ATL1: variants seen among roughly 807,000 people sequenced by gnomAD.
The protein encoded by ATL1 is atlastin GTPase 1, also known as atlastin-1.
A neutral mutation model predicts 75.5 loss-of-function variants in ATL1; 31 were observed. The observed-to-expected ratio is 0.41, with a 90% CI of 0.31 to 0.55. ATL1 has a LOEUF of 0.55. Among genes scored for constraint, ATL1 ranks in the 20% least tolerant of loss-of-function variants. ATL1 has a pLI of 0.27. For missense variants in ATL1, 405 were observed against 662.6 expected (o/e 0.61, Z 4.27); for synonymous variants, 226 against 233.3 (o/e 0.97, Z 0.28).
intron 1 of ATL1, among the ~76,000 whole-genome samples, chr14:50,539,399 T>C (rs996407764): frequency 1.3e-5 from 2 of 152,176 alleles, no homozygotes; most frequent in African/African-American, 4.8e-5. Flanking sequence ...ATACCAGGCA[T>C]GAATAGAAAA....
At chr14:50,575,417 A>T (rs1412438754) in intron 1 of ATL1, among the ~76,000 whole-genome samples, 8 of 152,208 alleles carry the variant, frequency 5.3e-5, no homozygotes, top group Admixed American at 5.2e-4. Context: ...TCTATTACAT[A>T]TAATCCCATA....
chr14:50,584,494 G>A (rs966115209), intron 1 of ATL1, among the ~76,000 whole-genome samples: 9 of 152,182 alleles, frequency 5.9e-5, no homozygotes, highest in Non-Finnish European at 1.3e-4. Flanking sequence ...ACGAGGTCAG[G>A]AGATCGAGAC....
At position 50,613,662 on chromosome 14, in the gene ATL1, A is replaced by G. The variant is rs868261963; in HGVS notation, c.723+311A>G. ...TTGAAATCCCTGGAGTCAATCTTAG[A>G]GCACAGAATGTAAAATTAGAAGACC... On this transcript the variant is annotated intron_variant, in intron 7 of 13. Transcript: ENST00000358385. 2.6e-4 allele frequency among the ~76,000 whole-genome samples: 39 copies of G among 152,336 alleles called. No homozygotes were observed. In the Middle Eastern group the frequency reaches 0.01, roughly 40 times the overall value.
intron 1 of ATL1, among the ~76,000 whole-genome samples, chr14:50,547,570 C>T (rs2038649607): frequency 6.6e-6 from 1 of 152,190 alleles, no homozygotes; most frequent in Admixed American, 6.5e-5. Context: ...ATTCTGAGAT[C>T]ACCCAAACAA....
At chr14:50,542,105 A>C (rs1429439213) in intron 1 of ATL1, among the ~76,000 whole-genome samples, 1 of 145,788 alleles carries the variant, frequency 6.9e-6, no homozygotes, top group African/African-American at 2.5e-5. Context: ...CTCTTGATTT[A>C]CTTCTAGGTC....
chr14:50,629,165 T>C (rs2039552701), intron 12 of ATL1, among the ~76,000 whole-genome samples: 2 of 152,240 alleles, frequency 1.3e-5, no homozygotes, highest in Non-Finnish European at 2.9e-5. Context: ...TCTGAACCAC[T>C]ATCATAAGTT....
intron 1 of ATL1, among the ~76,000 whole-genome samples, chr14:50,551,977 C>G (rs1432987852): frequency 6.6e-6 from 1 of 152,164 alleles, no homozygotes; most frequent in Non-Finnish European, 1.5e-5. Flanking sequence ...ACTTTCACCA[C>G]TTCTACTCAA....
chr14:50,537,955 C>T (rs1423030553), intron 1 of ATL1, among the ~76,000 whole-genome samples: 1 of 152,080 alleles, frequency 6.6e-6, no homozygotes, highest in Non-Finnish European at 1.5e-5. Flanking sequence ...AATGAGTTAA[C>T]ACTTTGGGGG....
At chr14:50,585,477 A>G in intron 1 of ATL1, among the ~76,000 whole-genome samples, 1 of 152,194 alleles carries the variant, frequency 6.6e-6, no homozygotes, top group East Asian at 1.9e-4. Flanking sequence ...ATCAAATAAA[A>G]TATGTATTTG....
chr14:50,569,029 A>G (rs2038930850), intron 1 of ATL1, among the ~76,000 whole-genome samples: 1 of 152,170 alleles, frequency 6.6e-6, no homozygotes, highest in Non-Finnish European at 1.5e-5. Context: ...TCCAAAACAC[A>G]TAAACTAGTA....
At chr14:50,595,525 TC>T (rs780688138) in intron 5 of ATL1, 50 bp from the exon 6 acceptor site, 8 of 1,538,682 alleles carry the variant, frequency 5.2e-6, no homozygotes, top group South Asian at 1.1e-5. Flanking sequence ...AAGTTCTCTC[TC>T]TCTCTCTCTC....
At position 50,545,844 on chromosome 14, in the gene ATL1, T is replaced by G. The variant is rs113840635; in HGVS notation, c.-140+12477T>G. On this transcript the variant is annotated intron_variant, in intron 1 of 13. Transcript: ENST00000441560. ...TAGGACGCCAGCTGGTTACATATTA[T>G]GACTCATCCTTGTGCACCTTTTTAA... 3.3e-5 allele frequency among the ~76,000 whole-genome samples: 5 copies of G among 152,346 alleles called. 1 individual carries two copies. Among genetic ancestry groups the G allele is most frequent in the South Asian group, 2.1e-4 (1 of 4,824 alleles).
chr14:50,620,353 A>T (rs2039455765), intron 8 of ATL1, among the ~76,000 whole-genome samples: 1 of 152,222 alleles, frequency 6.6e-6, no homozygotes. Flanking sequence ...AAGCTAACTT[A>T]TAATATCAAG....
chr14:50,623,224 C>T lies in ATL1; in HGVS notation c.1095C>T (p.Asp365=). 1 of 1,613,800 alleles carries T rather than the reference C, an allele frequency of 6.2e-7. No homozygotes were observed. Among genetic ancestry groups the T allele is most frequent in the Non-Finnish European group, 8.5e-7 (1 of 1,179,844 alleles). The change falls in exon 11 of 14, where the codon GAC becomes GAT. Residue 365 remains aspartate, a synonymous_variant. Transcript: ENST00000358385. Reference sequence around the variant, plus strand: ...TAGCAGCCGTGGCAACTGCCAAGGACACATACAACAAAAAAATGGAAGAGG... The same window carrying T: ...TAGCAGCCGTGGCAACTGCCAAGGATACATACAACAAAAAAATGGAAGAGG... ...NNLAAVATAK[D]TYNKKMEEIC... is the part of the protein sequence containing the mutation.
chr14:50,580,225 A>C (rs967691634), intron 1 of ATL1, among the ~76,000 whole-genome samples: 66 of 152,194 alleles, frequency 4.3e-4, no homozygotes, highest in Non-Finnish European at 2.9e-5. Context: ...AGCAAATATG[A>C]ATAAAACTGC....
intron 1 of ATL1, among the ~76,000 whole-genome samples, chr14:50,561,839 T>C (rs1330325682): frequency 6.6e-6 from 1 of 152,140 alleles, no homozygotes; most frequent in Non-Finnish European, 1.5e-5. Context: ...TGTATCCCCT[T>C]TCCACCCGTT....
chr14:50,614,272 CATT>C, intron 7 of ATL1, 98 bp from the exon 8 acceptor site: 2 of 1,326,930 alleles, frequency 1.5e-6, no homozygotes, highest in Non-Finnish European at 2.2e-6. Flanking sequence ...TCATTTTCAT[CATT>C]GTGGGACCAA....
At chr14:50,618,740 A>G (rs1251249651) in intron 8 of ATL1, among the ~76,000 whole-genome samples, 1 of 152,178 alleles carries the variant, frequency 6.6e-6, no homozygotes, top group East Asian at 1.9e-4. Flanking sequence ...TAACTCTGCT[A>G]AAATTTAGAT....
At chr14:50,623,341 A>T (rs538792039) in intron 11 of ATL1, 93 bp downstream of exon 11, 2 of 970,392 alleles carry the variant, frequency 2.1e-6, no homozygotes, top group South Asian at 2.8e-5. Flanking sequence ...CACTGTACAC[A>T]CATGCAATGA....
Sources: allele counts gnomAD v4.1 joint callset (sites outside exome capture counted in the v4.1 genomes callset), GRCh38; gene constraint gnomAD v4.1.1; transcripts MANE v1.5; gene names NCBI Gene and HGNC (gene_info 2026-07-23, HGNC 2026-07-21).